ISM2: variants seen among roughly 807,000 people sequenced by gnomAD.
ISM2 encodes the protein isthmin 2, also known as isthmin-2.
In ISM2, 50 loss-of-function variants were observed where a neutral mutation model predicts 58.0. The ratio of observed to expected loss-of-function variants is 0.86; its 90% CI spans 0.69 to 1.09. The LOEUF is 1.09. Among genes scored for constraint, ISM2 ranks in the 50% least tolerant of loss-of-function variants. The pLI is 0.00. For synonymous variants in ISM2, 303 were observed against 312.4 expected, an observed-to-expected ratio of 0.97 and a Z score of 0.32; for missense variants, 723 against 745.0, an observed-to-expected ratio of 0.97 and a Z score of 0.34.
Position 77,484,866 on chromosome 14 carries a change from C to G in ISM2, c.195G>C (p.Leu65=), listed in dbSNP as rs1375056175. The G allele has an allele frequency of 6.3e-7, 1 of 1,592,698 alleles. No individual in the cohort carries two copies. Among genetic ancestry groups the G allele is most frequent in the Non-Finnish European group, 8.6e-7 (1 of 1,169,578 alleles). Residue 65 remains leucine (L), a synonymous_variant, in exon 2 of 7, where the codon CTG becomes CTC. Transcript: ENST00000342219. ...CTGCCTGCAGGTGGGTTCTGGGGAG[C>G]AGTGGTGCCTCCTCCTCTTCCTTCA... The part of the protein sequence containing the change: ...RPLKEEEEAP[L]LPRTHLQAEP...
At chr14:77,487,833 G>A (rs2079177609) in intron 1 of ISM2, among the ~76,000 whole-genome samples, 2 of 152,162 alleles carry the variant, frequency 1.3e-5, no homozygotes, top group Admixed American at 6.5e-5. Flanking sequence ...CAACCATGAT[G>A]GGCACCTGCA....
intron 4 of ISM2, among the ~76,000 whole-genome samples, chr14:77,482,077 C>T (rs763440922): frequency 4.0e-5 from 6 of 150,912 alleles, no homozygotes; most frequent in Non-Finnish European, 7.4e-5. Context: ...CATGCCACTG[C>T]ACTCCAGCCT....
intron 3 of ISM2, 149 bp from the exon 4 acceptor site, chr14:77,482,816 C>G: frequency 1.8e-6 from 1 of 564,884 alleles, no homozygotes; most frequent in Non-Finnish European, 3.1e-6. Flanking sequence ...TTTTGGCTAA[C>G]CTTCCTGGCC....
At chr14:77,494,558 G>A (rs188179767) in intron 1 of ISM2, among the ~76,000 whole-genome samples, 1 of 151,782 alleles carries the variant, frequency 6.6e-6, no homozygotes, top group Admixed American at 6.6e-5. Flanking sequence ...AACCATGCCC[G>A]GCTAATTTTT....
rs1468268340 is a variant in ISM2 at position 77,498,646 on chromosome 14, C to T, written c.141+7G>A. 6.9e-7 allele frequency: 1 copy of T among 1,455,256 alleles called. No homozygotes were observed. Among genetic ancestry groups the T allele is most frequent in the South Asian group, 1.3e-5 (1 of 75,386 alleles). The allele number at this position is 1,455,256 out of a possible 1,614,324, so 90.1% of individuals were successfully genotyped here. On this transcript the variant is annotated splice_region_variant and intron_variant, in intron 1 of 6. Transcript: ENST00000342219. ...GCGCTCCGCAGCCCGGTGCCGCCGC[C>T]ACTCACCTCTGCGAGCCTCGTGAGG... is the stretch of plus-strand genomic sequence containing the variant.
chr14:77,483,664 G>C (rs376675317), intron 3 of ISM2, among the ~76,000 whole-genome samples: 1 of 151,928 alleles, frequency 6.6e-6, no homozygotes, highest in Admixed American at 6.6e-5. Context: ...GTGTGTCTGT[G>C]TGTGTGTGTG....
chr14:77,496,453 A>G (rs1288005527), intron 1 of ISM2, among the ~76,000 whole-genome samples: 1 of 149,708 alleles, frequency 6.7e-6, no homozygotes, highest in Non-Finnish European at 1.5e-5. Flanking sequence ...ACGCCATTGC[A>G]CTCCAGTCTG....
chr14:77,484,455 AG>A lies in ISM2; in HGVS notation c.494del (p.Thr165MetfsTer6). 6.2e-7 allele frequency: 1 copy of A among 1,611,788 alleles called. No individual in the cohort carries two copies. Among genetic ancestry groups the A allele is most frequent in the Non-Finnish European group, 8.5e-7 (1 of 1,179,102 alleles). ...ELHQHGCWTV[T>X]EPAALTPGNA... ...TCCCTGGGGTCAGGGCTGCTGGCTC[AG>A]TGACAGTCCAACATCCATGTTGGTG... On this transcript the variant is annotated frameshift_variant, in exon 3 of 7. Coordinates refer to ENST00000342219, the MANE Select transcript of ISM2 (RefSeq NM_199296.3). LOFTEE classifies it high-confidence loss of function.
chr14:77,487,787 G>T (rs2079177419), intron 1 of ISM2, among the ~76,000 whole-genome samples: 2 of 152,298 alleles, frequency 1.3e-5, no homozygotes, highest in South Asian at 4.1e-4. Flanking sequence ...GCGAGACAGG[G>T]AAGGGGAGGC....
chr14:77,498,210 T>C (rs2079259702), intron 1 of ISM2: 8 of 1,263,872 alleles, frequency 6.3e-6, no homozygotes, highest in Admixed American at 2.5e-5. Flanking sequence ...GCTTGTCTCA[T>C]GGAAGGGGCT....
chr14:77,484,984 G>A (rs904652590), intron 1 of ISM2, 65 bp from the exon 2 acceptor site: 4 of 1,504,450 alleles, frequency 2.7e-6, no homozygotes, highest in Non-Finnish European at 3.6e-6. Context: ...TCCGGAAAAG[G>A]CTGGCCAGGC....
At position 77,482,592 on chromosome 14, in the gene ISM2, G is replaced by C. The variant is rs776534087; in HGVS notation, c.703C>G (p.Pro235Ala). ...GGCAGCCAGCTAAGGGTATCCTGGG[G>C]CGGGGGATTGCTGGGCTCAGCCAAC... The part of the protein sequence containing the change: ...DLLAEPSNPP[P>A]QDTLSWLPAL... The change falls in exon 4 of 7, where the codon CCC (proline) becomes GCC (alanine). Residue 235 changes from proline (P) to alanine (A), a missense_variant. By Grantham distance (27) the Pro-to-Ala change is conservative (BLOSUM62 -1). Coordinates refer to ENST00000342219, the MANE Select transcript of ISM2 (RefSeq NM_199296.3). The C allele has an allele frequency of 6.2e-7, 1 of 1,611,266 alleles. No homozygotes were observed. The highest frequency in any genetic ancestry group is 8.5e-7 in the Non-Finnish European group (1 of 1,178,674).
intron 6 of ISM2, among the ~76,000 whole-genome samples, chr14:77,477,468 C>T (rs1481185262): frequency 6.6e-6 from 1 of 152,174 alleles, no homozygotes; most frequent in Admixed American, 6.5e-5. Context: ...AATGGTAACA[C>T]AGGAGAGGGG....
At chr14:77,497,782 G>A (rs952416431) in intron 1 of ISM2, among the ~76,000 whole-genome samples, 1 of 109,822 alleles carries the variant, frequency 9.1e-6, no homozygotes, top group South Asian at 3.0e-4. Flanking sequence ...AAGGAAGGAA[G>A]GAAGGAAGGA....
intron 1 of ISM2, among the ~76,000 whole-genome samples, chr14:77,490,490 A>G (rs2079196584): frequency 6.6e-6 from 1 of 152,230 alleles, no homozygotes; most frequent in Non-Finnish European, 1.5e-5. Flanking sequence ...CTTCATAGAC[A>G]ATGCAGCCAA....
At position 77,475,785 on chromosome 14, in the gene ISM2, A is replaced by T. The variant is rs745829830; in HGVS notation, c.1526T>A (p.Met509Lys). Reference protein sequence around the residue: ...RLLTRGKGAGMPNLISTDFSP... With the variant: ...RLLTRGKGAGKPNLISTDFSP... ...GAAGTCGGTGCTGATGAGGTTGGGC[A>T]TGCCGGCGCCCTTGCCACGGGTCAG... The change falls in exon 7 of 7, where the codon ATG (methionine) becomes AAG (lysine). Residue 509 changes from methionine (M) to lysine (K), a missense_variant. By Grantham distance (95) the Met-to-Lys change is moderately conservative (BLOSUM62 -1). Transcript: ENST00000342219. The surrounding 1 kb of genome is among the most constrained non-coding windows in gnomAD (Gnocchi z 4.1). The T allele has an allele frequency of 6.2e-6, 10 of 1,613,718 alleles. No individual in the cohort carries two copies. In the South Asian group the frequency reaches 1.1e-4, roughly 18 times the overall value.
chr14:77,481,249 A>C (rs1455088674), intron 4 of ISM2, among the ~76,000 whole-genome samples: 1 of 151,964 alleles, frequency 6.6e-6, no homozygotes. Flanking sequence ...CTGAGGCATG[A>C]GAATCGTCCG....
At chr14:77,488,834 G>A (rs2079183609) in intron 1 of ISM2, among the ~76,000 whole-genome samples, 1 of 152,172 alleles carries the variant, frequency 6.6e-6, no homozygotes, top group South Asian at 2.1e-4. Context: ...CTCGGCAGGT[G>A]TATCCTCATG....
intron 1 of ISM2, among the ~76,000 whole-genome samples, chr14:77,485,895 C>T (rs2079164652): frequency 6.6e-6 from 1 of 152,234 alleles, no homozygotes. Flanking sequence ...CTCTTACTAA[C>T]TTCTTCAACT....
Sources: gnomAD v4.1 joint callset for allele counts (sites outside exome capture counted in the v4.1 genomes callset) on GRCh38, gnomAD v4.1.1 for gene constraint, Gnocchi (gnomAD v3.1) non-coding constraint, MANE v1.5 for transcripts, NCBI Gene and HGNC (gene_info 2026-07-23, HGNC 2026-07-21) for gene names.